TESC: variants seen among roughly 807,000 people sequenced by gnomAD.
TESC encodes tescalcin, also known as calcineurin B homologous protein 3.
A neutral mutation model predicts 31.0 loss-of-function variants in TESC; 19 were observed. That is an observed-to-expected ratio of 0.61 (90% CI 0.43 to 0.90). The LOEUF (loss-of-function observed/expected upper bound fraction) is 0.90. Ranked by LOEUF, TESC falls within the 40% of genes least tolerant of loss-of-function variation. TESC has a pLI of 0.00. For synonymous variants in TESC, 109 were observed against 114.8 expected (o/e 0.95, Z 0.32); for missense variants, 248 against 303.8 (o/e 0.82, Z 1.36).
chr12:117,049,392 G>A (rs1411914047), intron 3 of TESC, among the ~76,000 whole-genome samples: 1 of 152,218 alleles, frequency 6.6e-6, no homozygotes, highest in Non-Finnish European at 1.5e-5. Flanking sequence ...GGAGGTGGAA[G>A]AGAGAGAGAC....
At chr12:117,056,151 C>T (rs1287135907) in intron 3 of TESC, among the ~76,000 whole-genome samples, 1 of 152,024 alleles carries the variant, frequency 6.6e-6, no homozygotes, top group Admixed American at 6.6e-5. Context: ...GAACTCCTGA[C>T]CTCAAGTGAT....
chr12:117,084,856 T>G (rs1276891924), intron 1 of TESC, among the ~76,000 whole-genome samples: 1 of 152,210 alleles, frequency 6.6e-6, no homozygotes, highest in Admixed American at 6.5e-5. Flanking sequence ...CAACCCCTGC[T>G]GGCCCCCAGG....
intron 4 of TESC, among the ~76,000 whole-genome samples, chr12:117,048,305 G>A (rs150903734): frequency 2.6e-5 from 4 of 152,272 alleles, no homozygotes; most frequent in Non-Finnish European, 5.9e-5. Context: ...ATCCACCCCC[G>A]CCACCCGGGC....
intron 2 of TESC, among the ~76,000 whole-genome samples, chr12:117,072,962 G>T (rs541283534): frequency 1.7e-4 from 26 of 152,294 alleles, no homozygotes; most frequent in African/African-American, 4.8e-4. Flanking sequence ...ATATTTTGTA[G>T]AGAAAGGGTC....
chr12:117,057,765 TTTTG>T (rs1385869295), intron 2 of TESC, among the ~76,000 whole-genome samples: 2 of 152,046 alleles, frequency 1.3e-5, no homozygotes, highest in Non-Finnish European at 2.9e-5. Flanking sequence ...AATGGAGTTT[TTTTG>T]TTTGTTTGTT....
intron 2 of TESC, among the ~76,000 whole-genome samples, chr12:117,072,041 G>A (rs186332544): frequency 1.9e-4 from 29 of 152,248 alleles, no homozygotes; most frequent in African/African-American, 6.5e-4. Flanking sequence ...ATTTTAGTAC[G>A]TCCCATTGTA....
chr12:117,052,030 T>C (rs2135755573), intron 3 of TESC, among the ~76,000 whole-genome samples: 1 of 152,298 alleles, frequency 6.6e-6, no homozygotes, highest in African/African-American at 2.4e-5. Context: ...TGCCTTAGCC[T>C]CCTGGAGTAG....
chr12:117,066,292 C>T lies in TESC; in HGVS notation c.128+8979G>A, dbSNP rs145004058. Among the ~76,000 whole-genome samples the T allele has an allele frequency of 6.6e-3, 963 of 144,828 alleles. 8 individuals carry two copies. Among genetic ancestry groups the T allele is most frequent in the African/African-American group, 0.022 (862 of 38,734 alleles). On this transcript the variant is annotated intron_variant, in intron 2 of 7. Transcript: ENST00000335209. The stretch of plus-strand genomic sequence containing the variant: ...TGCGATTTTGGCTCACTGCAGCCTT[C>T]ACCTCCTGGGTTCAACAGATGTTCT...
At chr12:117,049,387 T>C (rs1954614792) in intron 3 of TESC, among the ~76,000 whole-genome samples, 1 of 151,788 alleles carries the variant, frequency 6.6e-6, no homozygotes, top group South Asian at 2.1e-4. Context: ...ATCAGGGAGG[T>C]GGAAGAGAGA....
intron 2 of TESC, among the ~76,000 whole-genome samples, chr12:117,061,290 C>T (rs940859249): frequency 2.0e-5 from 3 of 152,124 alleles, no homozygotes; most frequent in African/African-American, 4.8e-5. Flanking sequence ...GTTTGCTGAG[C>T]GAATAATGAA....
chr12:117,098,554 G>A (rs1043427772), intron 1 of TESC: 2 of 152,358 alleles, frequency 1.3e-5, no homozygotes, highest in Non-Finnish European at 1.5e-5. Flanking sequence ...AGGCCTCCCA[G>A]GGCTCCCCGC....
intron 2 of TESC, among the ~76,000 whole-genome samples, chr12:117,072,431 CT>C (rs1455154371): frequency 3.9e-5 from 6 of 152,204 alleles, no homozygotes; most frequent in African/African-American, 1.4e-4. Flanking sequence ...ACCATGCTCA[CT>C]TTCCAGATGA....
intron 7 of TESC, among the ~76,000 whole-genome samples, chr12:117,039,550 AACCCC>A (rs1230689408): frequency 7.2e-6 from 1 of 138,444 alleles, no homozygotes; most frequent in Non-Finnish European, 1.5e-5. Context: ...CAAATTACAT[AACCCC>A]ATTAAGTCCC....
intron 1 of TESC, among the ~76,000 whole-genome samples, chr12:117,078,580 A>T (rs1024973154): frequency 2.6e-5 from 4 of 152,210 alleles, no homozygotes; most frequent in Non-Finnish European, 4.4e-5. Context: ...TTTTAGGTAT[A>T]CTGCCTTTAA....
intron 1 of TESC, among the ~76,000 whole-genome samples, chr12:117,085,144 G>A (rs1222547820): frequency 6.6e-6 from 1 of 152,210 alleles, no homozygotes; most frequent in Non-Finnish European, 1.5e-5. Context: ...GGGTGGACAG[G>A]GCTGGCAGAA....
chr12:117,068,642 G>A (rs1565968107), intron 2 of TESC, among the ~76,000 whole-genome samples: 1 of 152,198 alleles, frequency 6.6e-6, no homozygotes, highest in Non-Finnish European at 1.5e-5. Flanking sequence ...GCACGTTGGT[G>A]GCATTTGACA....
chr12:117,094,921 CAGG>C (rs1242767612), intron 1 of TESC, among the ~76,000 whole-genome samples: 2 of 149,328 alleles, frequency 1.3e-5, no homozygotes, highest in South Asian at 2.1e-4. Context: ...GAGGCTGAGG[CAGG>C]AGAATTGCTT....
rs546356349 is a variant in TESC, at chr12:117,094,266, C to T, written c.58+4959G>A. Among the ~76,000 whole-genome samples, 14 of 152,230 alleles carry T rather than the reference C, an allele frequency of 9.2e-5. No homozygotes were observed. The South Asian group carries it at 1.0e-3, about 11-fold the overall frequency. ...CAGGCAGGGAGAAGGAAGGTGGGCA[C>T]GCAGACCTGATGATGCCCTGTGTGG... On this transcript the variant is annotated intron_variant, in intron 1 of 7. Transcript: ENST00000335209.
At chr12:117,093,781 ATT>A (rs35866896) in intron 1 of TESC, among the ~76,000 whole-genome samples, 28 of 141,616 alleles carry the variant, frequency 2.0e-4, no homozygotes, top group African/African-American at 2.6e-4. Flanking sequence ...AGGTCTGGAG[ATT>A]TTTTTTTTTT....
Sources: allele counts gnomAD v4.1 joint callset (sites outside exome capture counted in the v4.1 genomes callset), GRCh38; gene constraint gnomAD v4.1.1; transcripts MANE v1.5; gene names NCBI Gene and HGNC (gene_info 2026-07-23, HGNC 2026-07-21).